Variants in NLRP7 observed in about 807,000 individuals in gnomAD.
NLRP7 encodes NACHT, LRR and PYD domains-containing protein 7.
A neutral mutation model predicts 85.5 loss-of-function variants in NLRP7; 72 were observed. The observed-to-expected ratio is 0.84, with a 90% CI of 0.70 to 1.02. The LOEUF (loss-of-function observed/expected upper bound fraction) is 1.02. Ranked by LOEUF, NLRP7 falls within the 50% of genes least tolerant of loss-of-function variation. The pLI, the probability that NLRP7 is intolerant of heterozygous loss-of-function variation, is 0.00. For missense variants in NLRP7, 1,243 were observed against 1,219.5 expected, an observed-to-expected ratio of 1.02 and a Z score of -0.29; for synonymous variants, 550 against 505.2, an observed-to-expected ratio of 1.09 and a Z score of -1.19.
At chr19:54,937,629 G>A (rs554749960) in intron 5 of NLRP7, among the ~76,000 whole-genome samples, 15 of 152,016 alleles carry the variant, frequency 9.9e-5, no homozygotes, top group Middle Eastern at 3.4e-3. Flanking sequence ...CAGGTGCAGC[G>A]GCTCATGCCT....
chr19:54,963,743 G>A (rs1002931580), intron 1 of NLRP7, among the ~76,000 whole-genome samples: 2 of 149,536 alleles, frequency 1.3e-5, no homozygotes, highest in Non-Finnish European at 3.0e-5. Flanking sequence ...AGAATCGCTT[G>A]AACTCTGGAG....
chr19:54,952,410 T>C (rs2069698469), upstream of NLRP7, among the ~76,000 whole-genome samples: 2 of 151,598 alleles, frequency 1.3e-5, no homozygotes, highest in African/African-American at 2.4e-5. Flanking sequence ...CTGGCCAACA[T>C]AGTGAAACCC....
At chr19:54,965,556 C>G (rs62124624) in intron 1 of NLRP7, among the ~76,000 whole-genome samples, 7,929 of 81,746 alleles carry the variant, frequency 0.097, 1,497 homozygotes, top group African/African-American at 0.19. Context: ...CCCGGGTTCA[C>G]GCCATTCTCC....
chr19:54,940,293 G>A, exon 4 of NLRP7: 4 of 1,614,206 alleles, frequency 2.5e-6, no homozygotes, highest in Non-Finnish European at 3.4e-6. Context: ...GGGCCGTGCA[G>A]CACCACCGTG....
chr19:54,954,075 C>T (rs910685728), intron 1 of NLRP7, among the ~76,000 whole-genome samples: 3 of 146,740 alleles, frequency 2.0e-5, no homozygotes, highest in South Asian at 4.2e-4. Context: ...AAGATAGTGA[C>T]GAGAGTAACC....
chr19:54,939,992 T>A, exon 4 of NLRP7: 1 of 1,614,178 alleles, frequency 6.2e-7, no homozygotes, highest in South Asian at 1.1e-5. Context: ...CACCGGCTTC[T>A]TCTTCTCCCA....
chr19:54,947,788 G>A (rs9941465), upstream of NLRP7: 85,975 of 510,806 alleles, frequency 0.17, 7,984 homozygotes, highest in East Asian at 0.37. Flanking sequence ...TGTGATAGGC[G>A]ACAGAACAGG....
At chr19:54,927,577 A>G in intron 9 of NLRP7, 28 bp downstream of exon 10, 1 of 1,431,680 alleles carries the variant, frequency 7.0e-7, no homozygotes, top group African/African-American at 2.4e-5. Context: ...AACAAAAAAC[A>G]AAACAAAACA....
At chr19:54,958,130 G>A (rs140030692) in intron 1 of NLRP7, among the ~76,000 whole-genome samples, 15 of 152,034 alleles carry the variant, frequency 9.9e-5, no homozygotes, top group East Asian at 5.8e-4. Context: ...CAGGAGAATC[G>A]CTTGGTTTGG....
chr19:54,926,602 A>C (rs1180637024), intron 9 of NLRP7, among the ~76,000 whole-genome samples: 1 of 151,982 alleles, frequency 6.6e-6, no homozygotes, highest in Non-Finnish European at 1.5e-5. Context: ...CAACATGGTG[A>C]AACCCCATCT....
At chr19:54,962,669 A>T (rs548167995) in intron 1 of NLRP7, among the ~76,000 whole-genome samples, 56 of 150,112 alleles carry the variant, frequency 3.7e-4, no homozygotes, top group Non-Finnish European at 7.7e-4. Flanking sequence ...GCGCGATCTC[A>T]GCTCACTGCA....
Position 54,954,134 on chromosome 19 carries a change from A to G in NLRP7, c.-76-6629T>C, listed in dbSNP as rs371606419. ...TCCCAGCAGCCCCATGACAGTTTAC[A>G]AATGCCATGGCAATGTCAGGAAGTT... On this transcript the variant is annotated intron_variant, in intron 1 of 2. Transcript: ENST00000587103. Among the ~76,000 whole-genome samples the G allele has an allele frequency of 2.0e-5, 3 of 149,468 alleles. No homozygotes were observed. The East Asian group carries it at 5.8e-4, about 29-fold the overall frequency.
intron 5 of NLRP7, among the ~76,000 whole-genome samples, chr19:54,937,016 A>G (rs1360577674): frequency 3.9e-5 from 6 of 151,998 alleles, no homozygotes; most frequent in African/African-American, 1.4e-4. Context: ...CAGGAGATCA[A>G]GACCATCCTG....
intron 1 of NLRP7, among the ~76,000 whole-genome samples, chr19:54,942,348 A>G (rs189698003): frequency 1.6e-3 from 245 of 151,908 alleles, no homozygotes; most frequent in African/African-American, 5.3e-3. Context: ...GGGGCTTCCT[A>G]TATGTACCTA....
chr19:54,943,015 T>C (rs1199824941), intron 1 of NLRP7, among the ~76,000 whole-genome samples: 2 of 151,458 alleles, frequency 1.3e-5, no homozygotes, highest in Non-Finnish European at 2.9e-5. Context: ...AGTGTAGTGG[T>C]AGGAACCTGT....
chr19:54,940,200 C>A, exon 4 of NLRP7: 2 of 1,614,184 alleles, frequency 1.2e-6, no homozygotes, highest in Admixed American at 1.7e-5. Context: ...AGGTAGAACG[C>A]GTATCTGAGC....
At chr19:54,954,514 G>C (rs1162999873) in intron 1 of NLRP7, among the ~76,000 whole-genome samples, 1 of 118,382 alleles carries the variant, frequency 8.4e-6, no homozygotes, top group East Asian at 2.6e-4. Context: ...TGGTGAAAGA[G>C]CGAGACTCCG....
chr19:54,963,367 T>C (rs1029793481), intron 1 of NLRP7, among the ~76,000 whole-genome samples: 5 of 151,216 alleles, frequency 3.3e-5, no homozygotes, highest in Admixed American at 2.0e-4. Context: ...AAAAGAAATA[T>C]AGATGTACAT....
intron 1 of NLRP7, among the ~76,000 whole-genome samples, chr19:54,946,758 A>G (rs1047209897): frequency 1.3e-5 from 2 of 151,586 alleles, no homozygotes; most frequent in Admixed American, 6.6e-5. Flanking sequence ...TCCTGCCTCA[A>G]CCTTCCAAGT....
Sources: gnomAD v4.1 joint callset for allele counts (sites outside exome capture counted in the v4.1 genomes callset) on GRCh38, gnomAD v4.1.1 for gene constraint, MANE v1.5 for transcripts, NCBI Gene and HGNC (gene_info 2026-07-23, HGNC 2026-07-21) for gene names.